The following ABCE1 variants were observed in gnomAD, a reference collection of about 807,000 sequenced individuals.
ABCE1 encodes the protein ATP-binding cassette sub-family E member 1.
ABCE1 carries 22 observed loss-of-function variants against 83.4 expected under a neutral mutation model. That is an observed-to-expected ratio of 0.26 (90% CI 0.19 to 0.38). The LOEUF is 0.38. Among genes scored for constraint, ABCE1 ranks in the 10% least tolerant of loss-of-function variants. ABCE1 has a pLI of 1.00. For missense variants in ABCE1, 330 were observed against 721.9 expected, an observed-to-expected ratio of 0.46 and a Z score of 6.22; for synonymous variants, 204 against 233.7, an observed-to-expected ratio of 0.87 and a Z score of 1.16.
At chr4:145,110,618 G>A (rs1173601002) in intron 7 of ABCE1, among the ~76,000 whole-genome samples, 174 bp downstream of exon 7, 1 of 152,166 alleles carries the variant, frequency 6.6e-6, no homozygotes, top group African/African-American at 2.4e-5. Flanking sequence ...TGGGATTACA[G>A]GCATGTGCCA....
chr4:145,100,749 T>G (rs531830548), intron 1 of ABCE1, among the ~76,000 whole-genome samples: 12 of 150,192 alleles, frequency 8.0e-5, no homozygotes, highest in Non-Finnish European at 1.0e-4. Flanking sequence ...TTTTGAATGA[T>G]TTTTTTTTTC....
At chr4:145,109,100 G>T (rs764030883) in intron 4 of ABCE1, 32 bp from the exon 5 acceptor site, 2 of 1,454,248 alleles carry the variant, frequency 1.4e-6, no homozygotes, top group East Asian at 4.6e-5. Context: ...GTAAATCTGA[G>T]TTGTTTTATT....
chr4:145,118,571 C>T (rs568885945), intron 10 of ABCE1, among the ~76,000 whole-genome samples: 30 of 151,842 alleles, frequency 2.0e-4, no homozygotes, highest in Non-Finnish European at 3.5e-4. Context: ...GAGTACCTTA[C>T]TCTATACCAT....
At chr4:145,103,620 G>A (rs146490528) in intron 1 of ABCE1, among the ~76,000 whole-genome samples, 1 of 152,306 alleles carries the variant, frequency 6.6e-6, no homozygotes, top group East Asian at 1.9e-4. Flanking sequence ...ATTATAGTCA[G>A]ATGTACACGA....
intron 17 of ABCE1, among the ~76,000 whole-genome samples, chr4:145,126,459 A>G (rs1346825158): frequency 6.6e-6 from 1 of 151,748 alleles, no homozygotes. Flanking sequence ...ACACCCGACT[A>G]ATTTTCTGTA....
chr4:145,122,907 T>G, intron 13 of ABCE1, 114 bp from the exon 14 acceptor site: 2 of 678,650 alleles, frequency 2.9e-6, no homozygotes, highest in South Asian at 5.4e-5. Flanking sequence ...TTGATATCTG[T>G]TGGTGGCAAA....
At chr4:145,122,851 T>A in intron 13 of ABCE1, 170 bp from the exon 14 acceptor site, 1 of 522,602 alleles carries the variant, frequency 1.9e-6, no homozygotes, top group Admixed American at 3.7e-5. Context: ...ACATGATGGG[T>A]TTTGAATAGA....
chr4:145,101,075 T>A (rs889704814), intron 1 of ABCE1, among the ~76,000 whole-genome samples: 30 of 151,648 alleles, frequency 2.0e-4, no homozygotes, highest in South Asian at 4.2e-4. Flanking sequence ...ATAAAAAAAA[T>A]ATATATATGG....
chr4:145,119,822 T>C (rs1749696906), intron 10 of ABCE1, 110 bp from the exon 11 acceptor site: 1 of 733,400 alleles, frequency 1.4e-6, no homozygotes, highest in Admixed American at 3.3e-5. Flanking sequence ...ACCAACATGT[T>C]AGCAAAAATC....
chr4:145,122,964 TAGA>T (rs1749783827), intron 13 of ABCE1, 54 bp from the exon 14 acceptor site: 3 of 1,213,780 alleles, frequency 2.5e-6, no homozygotes, highest in East Asian at 2.5e-5. Context: ...GATTCATAAA[TAGA>T]AGAGTTCTAT....
chr4:145,120,249 G>C (rs1749708256), intron 11 of ABCE1, 96 bp downstream of exon 11: 1 of 1,057,692 alleles, frequency 9.5e-7, no homozygotes, highest in African/African-American at 1.6e-5. Flanking sequence ...ATATGTTATA[G>C]GGCTAGAAGC....
chr4:145,125,069 A>C lies in ABCE1; in HGVS notation c.1720A>C (p.Arg574=), dbSNP rs1749844636. The C allele has an allele frequency of 3.7e-6, 6 of 1,611,890 alleles. No homozygotes were observed. The highest frequency in any genetic ancestry group is 5.1e-6 in the Non-Finnish European group (6 of 1,178,402). ...ITFRRDPNNY[R]PRINKLNSIK... ...ATTCAGAAGAGATCCAAACAACTAT[A>C]GGCCACGAATAAACAAACTTAATTC... The change falls in exon 17 of 18, where the codon AGG becomes CGG. Residue 574 remains arginine, a synonymous_variant. Coordinates refer to ENST00000296577, the MANE Select transcript of ABCE1 (RefSeq NM_002940.3).
chr4:145,112,177 A>G lies in ABCE1; in HGVS notation c.711-62A>G, dbSNP rs1749495306. On this transcript the variant is annotated intron_variant, in intron 8 of 17. Coordinates refer to ENST00000296577, the MANE Select transcript of ABCE1 (RefSeq NM_002940.3). Reference sequence around the variant, plus strand: ...TGATACTACAGTGCTTTAAAATAGTATGTAAGGTAGAATGTCTTGTCTTTC... The same window carrying G: ...TGATACTACAGTGCTTTAAAATAGTGTGTAAGGTAGAATGTCTTGTCTTTC... 7.6e-6 allele frequency: 9 copies of G among 1,185,472 alleles called. No homozygotes were observed. In the South Asian group the frequency reaches 1.3e-4, roughly 18 times the overall value. 73.4% of individuals were successfully genotyped at this position (1,185,472 alleles called of 1,614,324 possible).
Position 145,119,744 on chromosome 4 carries a change from T to A in ABCE1, c.923-188T>A, listed in dbSNP as rs1003238577. On this transcript the variant is annotated intron_variant, in intron 10 of 17. Transcript: ENST00000296577. Reference sequence around the variant, plus strand: ...CATGTGGTTGGGGGGGACATGCATATATATTCATGAATTATTTAAACTTAC... The same window carrying A: ...CATGTGGTTGGGGGGGACATGCATAAATATTCATGAATTATTTAAACTTAC... Among the ~76,000 whole-genome samples, 22 of 151,974 alleles carry A rather than the reference T, an allele frequency of 1.4e-4. 1 individual carries two copies. The highest frequency in any genetic ancestry group is 5.3e-4 in the African/African-American group (22 of 41,422).
chr4:145,099,852 T>C (rs753114735), intron 1 of ABCE1, among the ~76,000 whole-genome samples: 12 of 152,216 alleles, frequency 7.9e-5, no homozygotes, highest in Non-Finnish European at 1.8e-4. Flanking sequence ...TTTTTTCCTC[T>C]CAGCTGTAAG....
chr4:145,112,238 G>GT lies in ABCE1; in HGVS notation c.713dup (p.Met239HisfsTer3). The GT allele has an allele frequency of 5.7e-6, 6 of 1,061,676 alleles. No homozygotes were observed. The highest frequency in any genetic ancestry group is 6.5e-6 in the Non-Finnish European group (5 of 764,278). 65.8% of individuals were successfully genotyped at this position (1,061,676 alleles called of 1,614,324 possible). ...TTGCTTTTTTTTTTTTTTTTTCATA[G>GT]TTTCATGTTTGATGAGCCTTCTAGT... is the stretch of plus-strand genomic sequence containing the variant. On this transcript the variant is annotated frameshift_variant and splice_region_variant. Coordinates refer to ENST00000296577, the MANE Select transcript of ABCE1 (RefSeq NM_002940.3). LOFTEE classifies it high-confidence loss of function.
At chr4:145,111,357 T>C (rs1383653067) in intron 8 of ABCE1, among the ~76,000 whole-genome samples, 1 of 152,196 alleles carries the variant, frequency 6.6e-6, no homozygotes, top group Admixed American at 6.5e-5. Context: ...GGAGTCTCGC[T>C]GTGTTGCCCA....
At chr4:145,122,185 G>T (rs1749764579) in intron 13 of ABCE1, 1 of 152,208 alleles carries the variant, frequency 6.6e-6, no homozygotes, top group African/African-American at 2.4e-5. Flanking sequence ...TGCGGGTGTT[G>T]TAATGAACTC....
intron 17 of ABCE1, among the ~76,000 whole-genome samples, chr4:145,125,984 T>A (rs1467209814): frequency 6.6e-6 from 1 of 152,058 alleles, no homozygotes; most frequent in Non-Finnish European, 1.5e-5. Context: ...GAGGTTGCAG[T>A]GAGCTGAGAT....
Sources: gnomAD v4.1 joint callset for allele counts (sites outside exome capture counted in the v4.1 genomes callset) on GRCh38, gnomAD v4.1.1 for gene constraint, MANE v1.5 for transcripts, NCBI Gene and HGNC (gene_info 2026-07-23, HGNC 2026-07-21) for gene names.